Variants in STK11 observed in about 807,000 individuals in gnomAD.
STK11 encodes the protein serine/threonine kinase 11, also known as serine/threonine-protein kinase STK11.
Under a neutral mutation model 47.3 loss-of-function variants are expected in STK11, and 8 were observed. The ratio of observed to expected loss-of-function variants is 0.17; its 90% CI spans 0.10 to 0.31. The LOEUF is 0.31. Among genes scored for constraint, STK11 ranks in the 10% least tolerant of loss-of-function variants. The pLI is 1.00. For missense variants in STK11, 475 were observed against 605.0 expected, an observed-to-expected ratio of 0.79 and a Z score of 2.25; for synonymous variants, 330 against 255.8, an observed-to-expected ratio of 1.29 and a Z score of -2.77.
intron 8 of STK11, chr19:1,225,366 G>A (rs1286426438): frequency 1.1e-6 from 1 of 891,938 alleles, no homozygotes; most frequent in Non-Finnish European, 1.3e-6. Flanking sequence ...TCCACCTCCC[G>A]GATTCAAGCA....
chr19:1,208,302 G>A (rs1245719026), intron 1 of STK11, among the ~76,000 whole-genome samples: 1 of 144,294 alleles, frequency 6.9e-6, no homozygotes, highest in African/African-American at 2.5e-5. Context: ...TGGGGCTCAC[G>A]TACATTTTTT....
chr19:1,220,189 G>A (rs1472124099), intron 3 of STK11, 184 bp from the exon 4 acceptor site: 1 of 702,444 alleles, frequency 1.4e-6, no homozygotes, highest in Non-Finnish European at 2.2e-6. Flanking sequence ...GGACGAGGGT[G>A]GCCACTGCAG....
In STK11 at chr19:1,211,710, C is replaced by A. The variant is rs537288686; in HGVS notation, c.290+4507C>A. 5.3e-5 allele frequency among the ~76,000 whole-genome samples: 8 copies of A among 152,366 alleles called. No homozygotes were observed. The South Asian group carries it at 1.7e-3, about 32-fold the overall frequency. ...TTGGAAATGTGAAAATCACTGCTGC[C>A]GTAGGAAACGGGCCCAGATCCGGGC... On this transcript the variant is annotated intron_variant, in intron 1 of 9. Coordinates refer to ENST00000326873, the MANE Select transcript of STK11 (RefSeq NM_000455.5).
intron 2 of STK11, 137 bp downstream of exon 2, chr19:1,218,637 C>T: frequency 2.6e-6 from 2 of 778,306 alleles, no homozygotes; most frequent in Non-Finnish European, 4.4e-6. Flanking sequence ...TTCCCTGGTT[C>T]CCCGGAAGTC....
chr19:1,212,493 C>T (rs2080718269), intron 1 of STK11, among the ~76,000 whole-genome samples: 5 of 152,218 alleles, frequency 3.3e-5, no homozygotes, highest in Admixed American at 3.3e-4. Flanking sequence ...CTCAAGCTAT[C>T]CGCCTGCCTG....
chr19:1,221,942 T>C lies in STK11; in HGVS notation c.863-7T>C, dbSNP rs1599928242. The C allele has an allele frequency of 1.3e-6, 2 of 1,554,838 alleles. No homozygotes were observed. The highest frequency in any genetic ancestry group is 8.7e-7 in the Non-Finnish European group (1 of 1,149,614). ...AGCTGACAGGCTCCTCGCCGGCTTC[T>C]CCTCAGGGATGCTTGAGTACGAACC... is the stretch of plus-strand genomic sequence containing the variant. On this transcript the variant is annotated splice_polypyrimidine_tract_variant and splice_region_variant and intron_variant, in intron 6 of 9. Transcript: ENST00000326873.
chr19:1,228,177 GCT>G lies in STK11; in HGVS notation c.*605_*606del. ...GGGCTCACGTCGCGGCCGCCTTTGC[GCT>G]CTCGGGTCACCCTGCTTTGGCGGCC... On this transcript the variant is annotated 3_prime_UTR_variant, in exon 10 of 10. Transcript: ENST00000326873. The G allele has an allele frequency of 9.5e-7, 1 of 1,051,098 alleles. No homozygotes were observed. Among genetic ancestry groups the G allele is most frequent in the Non-Finnish European group, 1.2e-6 (1 of 866,160 alleles). 65.1% of individuals were successfully genotyped at this position (1,051,098 alleles called of 1,614,324 possible).
At chr19:1,212,990 C>CTTTTTTTTT (rs35169539) in intron 1 of STK11, among the ~76,000 whole-genome samples, 4 of 94,752 alleles carry the variant, frequency 4.2e-5, no homozygotes, top group Admixed American at 1.2e-4. Context: ...TAAAGTTCAC[C>CTTTTTTTTT]TTTTTTTTTT....
chr19:1,212,341 T>A (rs1311079561), intron 1 of STK11, among the ~76,000 whole-genome samples: 1 of 131,726 alleles, frequency 7.6e-6, no homozygotes, highest in Non-Finnish European at 1.5e-5. Context: ...TGGAGTGCAG[T>A]GGCGCAATCA....
chr19:1,223,108 C>T lies in STK11; in HGVS notation c.1044C>T (p.Asp348=), dbSNP rs778274196. 1.2e-5 allele frequency: 20 copies of T among 1,611,392 alleles called. No homozygotes were observed. The highest frequency in any genetic ancestry group is 1.4e-5 in the Non-Finnish European group (16 of 1,179,380). ...ACTTGGAGGACCTGCACGGCGCGGA[C>T]GAGGACGAGGACCTCTTCGACATCG... The part of the protein sequence containing the change: ...VPYLEDLHGA[D]EDEDLFDIED... Residue 348 remains aspartate (D), a synonymous_variant, in exon 8 of 10, where the codon GAC becomes GAT. Transcript: ENST00000326873.
intron 1 of STK11, 84 bp from the exon 2 acceptor site, chr19:1,218,333 G>C: frequency 9.1e-7 from 1 of 1,101,700 alleles, no homozygotes; most frequent in South Asian, 1.3e-5. Flanking sequence ...ACTTCCACAG[G>C]GAGATGGGGA....
At chr19:1,218,689 C>T (rs1404137965) in intron 2 of STK11, among the ~76,000 whole-genome samples, 189 bp downstream of exon 2, 2 of 152,194 alleles carry the variant, frequency 1.3e-5, no homozygotes, top group African/African-American at 4.8e-5. Context: ...GAAAGGGGCC[C>T]TGAGCCCTGG....
At chr19:1,222,093 G>A (rs1296066812) in intron 7 of STK11, 87 bp downstream of exon 7, 26 of 1,454,448 alleles carry the variant, frequency 1.8e-5, no homozygotes, top group East Asian at 1.2e-4. Flanking sequence ...AGAGCAGGGC[G>A]TGGTGGGGGT....
intron 1 of STK11, among the ~76,000 whole-genome samples, chr19:1,210,862 C>G (rs552804994): frequency 3.4e-4 from 47 of 138,504 alleles, no homozygotes; most frequent in South Asian, 6.9e-4. Context: ...AACTCCGTCT[C>G]GAAAAAAAAA....
rs376676130 is a variant in STK11, at chr19:1,217,988, A to G, written c.291-429A>G. ...TGAAACCCTGTCTGTACTAAAATAC[A>G]AAAAAATTAGCCGGCTGTGGTGACA... On this transcript the variant is annotated intron_variant, in intron 1 of 9. Transcript: ENST00000326873. Among the ~76,000 whole-genome samples the G allele has an allele frequency of 1.7e-4, 26 of 152,238 alleles. No homozygotes were observed. The South Asian group carries it at 5.2e-3, about 30-fold the overall frequency.
chr19:1,221,420 G>T (rs920978333), intron 6 of STK11, 80 bp downstream of exon 6: 5 of 1,478,326 alleles, frequency 3.4e-6, no homozygotes, highest in East Asian at 2.5e-5. Flanking sequence ...GGTGTCAGGT[G>T]GGGGGCTATT....
In STK11 at chr19:1,207,033, C is replaced by G. The variant is rs878853984; in HGVS notation, c.120C>G (p.Arg40=). 1 of 1,613,796 alleles carries G rather than the reference C, an allele frequency of 6.2e-7. No homozygotes were observed. Among genetic ancestry groups the G allele is most frequent in the Non-Finnish European group, 8.5e-7 (1 of 1,179,864 alleles). ...DSTEVIYQPR[R]KRAKLIGKYL... ...CCGAGGTCATCTACCAGCCGCGCCG[C>G]AAGCGGGCCAAGCTCATCGGCAAGT... The change falls in exon 1 of 10, where the codon CGC becomes CGG. Residue 40 remains arginine, a synonymous_variant. Transcript: ENST00000326873.
intron 2 of STK11, among the ~76,000 whole-genome samples, 190 bp from the exon 3 acceptor site, chr19:1,219,134 G>A (rs1343772806): frequency 6.6e-6 from 1 of 152,154 alleles, no homozygotes; most frequent in Non-Finnish European, 1.5e-5. Flanking sequence ...TTCCCCGTAG[G>A]CTCCTTCCTC....
At chr19:1,211,517 T>C (rs1421011669) in intron 1 of STK11, among the ~76,000 whole-genome samples, 2 of 151,732 alleles carry the variant, frequency 1.3e-5, no homozygotes, top group East Asian at 1.9e-4. Context: ...TCCACCCCAG[T>C]GAGAGTGGGC....
Sources: gnomAD v4.1 joint callset for allele counts (sites outside exome capture counted in the v4.1 genomes callset) on GRCh38, gnomAD v4.1.1 for gene constraint, MANE v1.5 for transcripts, NCBI Gene and HGNC (gene_info 2026-07-23, HGNC 2026-07-21) for gene names.